The following CFAP54 variants were observed in gnomAD, a reference collection of about 807,000 sequenced individuals.
CFAP54 encodes the protein cilia- and flagella-associated protein 54.
In CFAP54, 290 loss-of-function variants were observed where a neutral mutation model predicts 370.4. The ratio of observed to expected loss-of-function variants is 0.78; its 90% confidence interval spans 0.71 to 0.86. The LOEUF is 0.86. Among genes scored for constraint, CFAP54 ranks in the 40% least tolerant of loss-of-function variants. The probability of loss-of-function intolerance (pLI) is 0.00; values close to 1 mark genes in which losing one functional copy is unlikely to be tolerated. For missense variants in CFAP54, 3,399 were observed against 3,528.7 expected, an observed-to-expected ratio of 0.96 and a Z score of 0.93; for synonymous variants, 1,206 against 1,236.5, an observed-to-expected ratio of 0.98 and a Z score of 0.52.
chr12:96,777,150 A>C (rs185079520), intron 60 of CFAP54, among the ~76,000 whole-genome samples: 82 of 152,262 alleles, frequency 5.4e-4, no homozygotes, highest in African/African-American at 1.8e-3. Flanking sequence ...CATGAAAAAA[A>C]AAGTAAAAGT....
chr12:96,634,044 A>ATTTTTTTTTTTTTTTTTTTTTTTT, intron 32 of CFAP54, among the ~76,000 whole-genome samples: 1 of 85,360 alleles, frequency 1.2e-5, no homozygotes, highest in Non-Finnish European at 2.7e-5. Flanking sequence ...GATAGCGAAC[A>ATTTTTTTTTTTTTTTTTTTTTTTT]TCTTTTTTTT....
At chr12:96,558,440 G>A (rs1300634725) in intron 17 of CFAP54, among the ~76,000 whole-genome samples, 1 of 152,036 alleles carries the variant, frequency 6.6e-6, no homozygotes, top group Non-Finnish European at 1.5e-5. Flanking sequence ...ATTAAGTAAA[G>A]TTGCAGGATA....
intron 30 of CFAP54, 66 bp from the exon 31 acceptor site, chr12:96,630,025 CAT>C: frequency 1.6e-6 from 1 of 643,326 alleles, no homozygotes; most frequent in Non-Finnish European, 2.6e-6. Flanking sequence ...ACTTTAAAGA[CAT>C]ATTACTTTGG....
intron 55 of CFAP54, among the ~76,000 whole-genome samples, chr12:96,750,569 G>C (rs891227354): frequency 6.6e-6 from 1 of 152,138 alleles, no homozygotes; most frequent in African/African-American, 2.4e-5. Context: ...CTTCCAGCTT[G>C]TTGATCTCAT....
chr12:96,493,992 G>A (rs1040514171), intron 1 of CFAP54, among the ~76,000 whole-genome samples: 3 of 152,206 alleles, frequency 2.0e-5, no homozygotes, highest in Admixed American at 2.0e-4. Flanking sequence ...AGAGAATGTA[G>A]TGGGGACTTG....
intron 15 of CFAP54, among the ~76,000 whole-genome samples, chr12:96,549,100 C>T (rs2136395484): frequency 6.6e-6 from 1 of 152,232 alleles, no homozygotes; most frequent in East Asian, 1.9e-4. Context: ...GTGATCTGCC[C>T]ACCTCGGCCT....
intron 32 of CFAP54, among the ~76,000 whole-genome samples, chr12:96,635,658 C>A (rs1038552314): frequency 4.6e-5 from 7 of 152,242 alleles, no homozygotes; most frequent in African/African-American, 1.7e-4. Flanking sequence ...AGAGGCCACT[C>A]ACAAATGTGA....
intron 63 of CFAP54, among the ~76,000 whole-genome samples, chr12:96,797,879 C>A (rs1287151018): frequency 6.6e-6 from 1 of 151,892 alleles, no homozygotes; most frequent in Non-Finnish European, 1.5e-5. Flanking sequence ...ATCTACCTTG[C>A]TTTTGCTTGT....
chr12:96,767,343 A>G (rs1958411096), intron 60 of CFAP54, among the ~76,000 whole-genome samples: 1 of 152,220 alleles, frequency 6.6e-6, no homozygotes, highest in African/African-American at 2.4e-5. Flanking sequence ...ACAGTGGAAA[A>G]TGGCATCCTC....
intron 67 of CFAP54, among the ~76,000 whole-genome samples, chr12:96,863,118 C>T (rs192916092): frequency 8.0e-4 from 121 of 151,622 alleles, no homozygotes; most frequent in Middle Eastern, 3.4e-3. Context: ...TTTATAGAAC[C>T]CTAGAACAAT....
chr12:96,765,355 G>A, intron 60 of CFAP54, 137 bp downstream of exon 60: 4 of 680,552 alleles, frequency 5.9e-6, no homozygotes, highest in Non-Finnish European at 8.8e-6. Context: ...GGGGATCATA[G>A]GGGTCCTAGG....
chr12:96,664,725 C>G lies in CFAP54; in HGVS notation c.5563+793C>G, dbSNP rs11108629. On this transcript the variant is annotated intron_variant, in intron 39 of 67. Coordinates refer to ENST00000524981, the MANE Select transcript of CFAP54 (RefSeq NM_001306084.2). ...TATATATATATATATCTATATATAT[C>G]TATATATATATATCTATATATATAT... 2.9e-4 allele frequency among the ~76,000 whole-genome samples: 21 copies of G among 72,570 alleles called. 1 individual carries two copies. Among genetic ancestry groups the G allele is most frequent in the African/African-American group, 1.2e-3 (20 of 16,560 alleles). The allele number at this position is 72,570 out of a possible 152,430, so 47.6% of individuals were successfully genotyped here.
At position 96,533,975 on chromosome 12, in the gene CFAP54, T is replaced by C; in HGVS notation, c.1539+2T>C. The C allele has an allele frequency of 7.3e-6, 11 of 1,507,718 alleles. No individual in the cohort carries two copies. The highest frequency in any genetic ancestry group is 9.7e-6 in the Non-Finnish European group (11 of 1,137,598). The allele number at this position is 1,507,718 out of a possible 1,614,324, so 93.4% of individuals were successfully genotyped here. Reference sequence around the variant, plus strand: ...GTACATCTTATTTATTTTCTCCAGGTAATATATGCAAAATTATCCTCCTGG... The same window carrying C: ...GTACATCTTATTTATTTTCTCCAGGCAATATATGCAAAATTATCCTCCTGG... On this transcript the variant is annotated splice_donor_variant, in intron 10 of 67. Transcript: ENST00000524981. LOFTEE classifies it high-confidence loss of function.
At chr12:96,812,943 C>A (rs548028235) in intron 64 of CFAP54, among the ~76,000 whole-genome samples, 1 of 151,968 alleles carries the variant, frequency 6.6e-6, no homozygotes, top group Non-Finnish European at 1.5e-5. Context: ...TTCATTCAGT[C>A]AATTTATTTT....
intron 67 of CFAP54, among the ~76,000 whole-genome samples, chr12:96,873,332 C>G (rs986244193): frequency 6.6e-6 from 1 of 152,146 alleles, no homozygotes; most frequent in Non-Finnish European, 1.5e-5. Flanking sequence ...AGTTAAGAAT[C>G]ATTTGGTTTT....
chr12:96,659,713 A>G (rs1895103), intron 38 of CFAP54, among the ~76,000 whole-genome samples: 53,715 of 152,118 alleles, frequency 0.35, 9,653 homozygotes, highest in Middle Eastern at 0.42. Context: ...AACAAAGTGC[A>G]TTGACTACCC....
rs572268646 is a variant in CFAP54, at chr12:96,866,452, G to T, written c.*14+5500G>T. Among the ~76,000 whole-genome samples the T allele has an allele frequency of 2.7e-4, 41 of 152,140 alleles. No individual in the cohort carries two copies. In the South Asian group the frequency reaches 7.7e-3, roughly 28 times the overall value. ...ATTCAAAATTAATTGCAAATGAATT[G>T]CTTTTGTTCCTGTTTGATATTTAAG... On this transcript the variant is annotated intron_variant, in intron 67 of 67. Coordinates refer to ENST00000524981, the MANE Select transcript of CFAP54 (RefSeq NM_001306084.2).
At chr12:96,572,104 T>G (rs1225027218) in intron 19 of CFAP54, among the ~76,000 whole-genome samples, 1 of 152,234 alleles carries the variant, frequency 6.6e-6, no homozygotes, top group Non-Finnish European at 1.5e-5. Context: ...AAGATTACCC[T>G]TTTCTTTCAT....
chr12:96,605,522 A>G (rs1157065199), intron 26 of CFAP54, among the ~76,000 whole-genome samples: 1 of 152,266 alleles, frequency 6.6e-6, no homozygotes, highest in African/African-American at 2.4e-5. Context: ...GTGCCAGTCA[A>G]GAGTGCTGTA....
Sources: gnomAD v4.1 joint callset for allele counts (sites outside exome capture counted in the v4.1 genomes callset) on GRCh38, gnomAD v4.1.1 for gene constraint, MANE v1.5 for transcripts, NCBI Gene and HGNC (gene_info 2026-07-23, HGNC 2026-07-21) for gene names.